Variants in SEMA6D observed in about 807,000 individuals in gnomAD.
SEMA6D encodes the protein semaphorin 6D.
Under a neutral mutation model 106.6 loss-of-function variants are expected in SEMA6D, and 35 were observed. The observed-to-expected ratio is 0.33, with a 90% CI of 0.25 to 0.44. The LOEUF is 0.44. Ranked by LOEUF, SEMA6D falls within the 20% of genes least tolerant of loss-of-function variation. The pLI is 1.00. For missense variants in SEMA6D, 1,185 were observed against 1,345.9 expected (o/e 0.88, Z 1.87); for synonymous variants, 499 against 487.7 (o/e 1.02, Z -0.31).
At chr15:47,281,806 C>G (rs945507667) in intron 1 of SEMA6D, among the ~76,000 whole-genome samples, 5 of 152,038 alleles carry the variant, frequency 3.3e-5, no homozygotes, top group African/African-American at 1.2e-4. Context: ...GAACCAAACC[C>G]ACAGCATTTT....
chr15:47,318,602 A>G (rs1442450953), intron 1 of SEMA6D, among the ~76,000 whole-genome samples: 9 of 146,108 alleles, frequency 6.2e-5, no homozygotes, highest in Non-Finnish European at 1.1e-4. Context: ...TGAACTCATC[A>G]TTTTTTATGG....
At chr15:47,616,852 C>G (rs2077017365) in intron 4 of SEMA6D, among the ~76,000 whole-genome samples, 1 of 152,222 alleles carries the variant, frequency 6.6e-6, no homozygotes, top group Non-Finnish European at 1.5e-5. Context: ...CTTACCTTCT[C>G]CCAACAGCTC....
chr15:47,478,427 G>A (rs1487870428), intron 3 of SEMA6D, among the ~76,000 whole-genome samples: 2 of 152,152 alleles, frequency 1.3e-5, no homozygotes, highest in Non-Finnish European at 2.9e-5. Context: ...TCAACAAAGG[G>A]CAATAACAGA....
chr15:47,331,385 A>C (rs2037334312), intron 1 of SEMA6D, among the ~76,000 whole-genome samples: 2 of 152,188 alleles, frequency 1.3e-5, no homozygotes, highest in Admixed American at 6.5e-5. Flanking sequence ...AAAAATCAGA[A>C]ACTAATAAAT....
At chr15:47,230,100 C>G (rs1595778407) in intron 1 of SEMA6D, among the ~76,000 whole-genome samples, 1 of 152,090 alleles carries the variant, frequency 6.6e-6, no homozygotes, top group East Asian at 1.9e-4. Context: ...CTTCAGGCCT[C>G]TCTTAGAAAA....
At chr15:47,277,659 T>A (rs1250928400) in intron 1 of SEMA6D, among the ~76,000 whole-genome samples, 1 of 150,922 alleles carries the variant, frequency 6.6e-6, no homozygotes. Context: ...ATGTGCACAA[T>A]GTACAGGTTA....
intron 1 of SEMA6D, among the ~76,000 whole-genome samples, chr15:47,358,714 A>C (rs1264792327): frequency 6.6e-6 from 1 of 152,242 alleles, no homozygotes; most frequent in Non-Finnish European, 1.5e-5. Flanking sequence ...ACCAGTGTGC[A>C]TGGAGATCTG....
intron 1 of SEMA6D, among the ~76,000 whole-genome samples, chr15:47,247,456 A>G (rs143115269): frequency 1.0e-3 from 156 of 152,352 alleles, no homozygotes; most frequent in Admixed American, 1.7e-3. Context: ...CATCCATTAA[A>G]TGGCAATCAT....
chr15:47,317,601 T>G (rs911156900), intron 1 of SEMA6D, among the ~76,000 whole-genome samples: 2 of 152,180 alleles, frequency 1.3e-5, no homozygotes, highest in East Asian at 3.8e-4. Context: ...CTTACACTTT[T>G]GAAGAATAAT....
intron 1 of SEMA6D, among the ~76,000 whole-genome samples, chr15:47,190,203 G>T (rs368774759): frequency 1.8e-4 from 28 of 152,100 alleles, no homozygotes; most frequent in South Asian, 1.5e-3. Context: ...AAGAGATTTG[G>T]AGACCAGTTA....
chr15:47,285,371 A>G (rs181068657), intron 1 of SEMA6D, among the ~76,000 whole-genome samples: 264 of 152,302 alleles, frequency 1.7e-3, no homozygotes, highest in Middle Eastern at 3.4e-3. Context: ...GTTGAAAAGA[A>G]AAAGAAAATG....
At chr15:47,525,961 A>T (rs1399431853) in intron 3 of SEMA6D, among the ~76,000 whole-genome samples, 1 of 152,206 alleles carries the variant, frequency 6.6e-6, no homozygotes, top group Non-Finnish European at 1.5e-5. Context: ...AAGGCCACCC[A>T]CTATAGAAGC....
chr15:47,701,978 C>T (rs573555115), intron 4 of SEMA6D, among the ~76,000 whole-genome samples: 4 of 152,264 alleles, frequency 2.6e-5, no homozygotes, highest in South Asian at 2.1e-4. Flanking sequence ...TGGCCCACTG[C>T]GGTCAAAACT....
intron 4 of SEMA6D, among the ~76,000 whole-genome samples, chr15:47,620,119 C>G (rs1361821017): frequency 6.6e-6 from 1 of 152,170 alleles, no homozygotes; most frequent in Non-Finnish European, 1.5e-5. Flanking sequence ...GCACAGTGAT[C>G]CTCCCATCTT....
At chr15:47,416,290 C>G (rs2040967301) in intron 2 of SEMA6D, among the ~76,000 whole-genome samples, 1 of 152,064 alleles carries the variant, frequency 6.6e-6, no homozygotes, top group South Asian at 2.1e-4. Flanking sequence ...CCCAAGAGAA[C>G]AAAAGTAACT....
chr15:47,277,789 A>C (rs1361981110), intron 1 of SEMA6D, among the ~76,000 whole-genome samples: 1 of 150,182 alleles, frequency 6.7e-6, no homozygotes, highest in Non-Finnish European at 1.5e-5. Context: ...CAGTCCCCAG[A>C]GTGTGATGTT....
At chr15:47,667,102 G>T (rs868807058) in intron 4 of SEMA6D, among the ~76,000 whole-genome samples, 1 of 152,178 alleles carries the variant, frequency 6.6e-6, no homozygotes, top group Non-Finnish European at 1.5e-5. Context: ...CCCTACTGAA[G>T]CACCAGAAAC....
chr15:47,318,024 CTTTTTTT>C (rs71425594), intron 1 of SEMA6D, among the ~76,000 whole-genome samples: 1 of 116,942 alleles, frequency 8.6e-6, no homozygotes, highest in African/African-American at 3.1e-5. Context: ...TCCCACAGTT[CTTTTTTT>C]TTTTTTTTTT....
chr15:47,408,610 T>A (rs2040677108), intron 1 of SEMA6D, among the ~76,000 whole-genome samples: 1 of 152,146 alleles, frequency 6.6e-6, no homozygotes, highest in African/African-American at 2.4e-5. Flanking sequence ...GAGATAAAAT[T>A]GCACAGAGAG....
Sources: gnomAD v4.1 joint callset for allele counts (sites outside exome capture counted in the v4.1 genomes callset) on GRCh38, gnomAD v4.1.1 for gene constraint, MANE v1.5 for transcripts, NCBI Gene and HGNC (gene_info 2026-07-23, HGNC 2026-07-21) for gene names.